The following TTBK2 variants were observed in gnomAD, a reference collection of about 807,000 sequenced individuals.
TTBK2 encodes the protein tau tubulin kinase 2, also known as tau-tubulin kinase 2.
A neutral mutation model predicts 110.8 loss-of-function variants in TTBK2; 28 were observed. The ratio of observed to expected loss-of-function variants is 0.25; its 90% CI spans 0.19 to 0.35. The LOEUF (loss-of-function observed/expected upper bound fraction) is 0.35, where lower values mean the gene tolerates loss of function less well. TTBK2 is among the 10% of genes least tolerant of loss of function. The pLI, the probability that TTBK2 is intolerant of heterozygous loss-of-function variation, is 1.00. For missense variants in TTBK2, 1,369 were observed against 1,500.3 expected (o/e 0.91, Z 1.45); for synonymous variants, 532 against 527.3 (o/e 1.01, Z -0.12).
intron 1 of TTBK2, among the ~76,000 whole-genome samples, chr15:42,899,066 C>G (rs1480336794): frequency 6.6e-6 from 1 of 152,144 alleles, no homozygotes; most frequent in African/African-American, 2.4e-5. Flanking sequence ...GATCTCAGCT[C>G]TCTGAAAACT....
At position 42,775,542 on chromosome 15, in the gene TTBK2, C is replaced by G. The variant is rs749057161; in HGVS notation, c.1591G>C (p.Gly531Arg). ...TTAACAGCTATAAATCCATTGCTGC[C>G]ACCACCATCTGCCTGCTCAGGGGTG... ...ANTPEQADGG[G>R]SNGFIAVNLS... Residue 531 changes from glycine to arginine, a missense_variant, in exon 13 of 15, where the codon GGC (glycine) becomes CGC (arginine). Physicochemically the swap from Gly to Arg is moderately radical, Grantham distance 125. Around this residue, in one of 4 missense-constraint regions of TTBK2, gnomAD observed 1,097 missense variants for 1,114.7 expected, o/e 0.98. Transcript: ENST00000267890. The G allele has an allele frequency of 1.5e-5, 24 of 1,614,140 alleles. No homozygotes were observed. Among genetic ancestry groups the G allele is most frequent in the Non-Finnish European group, 2.0e-5 (24 of 1,180,028 alleles).
At chr15:42,780,023 C>CTT (rs1890111739) in intron 11 of TTBK2, among the ~76,000 whole-genome samples, 1 of 150,896 alleles carries the variant, frequency 6.6e-6, no homozygotes, top group Non-Finnish European at 1.5e-5. Context: ...AGTCATTCTT[C>CTT]TTTGTTGCTG....
intron 1 of TTBK2, among the ~76,000 whole-genome samples, chr15:42,905,235 A>G (rs949491893): frequency 2.0e-5 from 3 of 152,112 alleles, no homozygotes; most frequent in Admixed American, 6.6e-5. Context: ...AAAAAGATAA[A>G]GTAGAACAAA....
intron 1 of TTBK2, among the ~76,000 whole-genome samples, chr15:42,907,556 C>A (rs574595840): frequency 1.4e-3 from 215 of 152,026 alleles, no homozygotes; most frequent in African/African-American, 5.0e-3. Context: ...GTGAAATAAG[C>A]CAAGTACAGA....
At chr15:42,833,837 G>A (rs1483382560) in intron 4 of TTBK2, among the ~76,000 whole-genome samples, 4 of 151,956 alleles carry the variant, frequency 2.6e-5, no homozygotes, top group Non-Finnish European at 5.9e-5. Context: ...GTAAAACCCC[G>A]TCTCTACTAA....
intron 1 of TTBK2, among the ~76,000 whole-genome samples, chr15:42,889,116 T>C (rs1384587368): frequency 1.3e-5 from 2 of 152,172 alleles, no homozygotes; most frequent in Non-Finnish European, 2.9e-5. Flanking sequence ...TGGAAATCTA[T>C]CCTCAAGGAA....
At chr15:42,797,774 T>C (rs1315589730) in intron 9 of TTBK2, among the ~76,000 whole-genome samples, 1 of 152,206 alleles carries the variant, frequency 6.6e-6, no homozygotes, top group Non-Finnish European at 1.5e-5. Flanking sequence ...ATCTATATAG[T>C]ATATACAGTA....
intron 4 of TTBK2, 95 bp from the exon 5 acceptor site, chr15:42,830,173 T>A (rs1200179771): frequency 6.0e-6 from 9 of 1,498,066 alleles, no homozygotes; most frequent in African/African-American, 1.4e-5. Flanking sequence ...AAAGATGTTT[T>A]CAGCAAAATA....
chr15:42,897,876 A>C lies in TTBK2; in HGVS notation c.-67-19192T>G, dbSNP rs1190328156. ...CACACACACACACACGGAACTTCCA[A>C]TCAGCTTCACTACTCAAAAAAAGAG... On this transcript the variant is annotated intron_variant, in intron 1 of 14. Transcript: ENST00000267890. Among the ~76,000 whole-genome samples, 5 of 151,044 alleles carry C rather than the reference A, an allele frequency of 3.3e-5. 1 individual carries two copies. The South Asian group carries it at 1.1e-3, about 32-fold the overall frequency.
intron 6 of TTBK2, among the ~76,000 whole-genome samples, chr15:42,827,316 C>T (rs1299250964): frequency 6.6e-6 from 1 of 152,092 alleles, no homozygotes; most frequent in Non-Finnish European, 1.5e-5. Context: ...AAGGGGGAGA[C>T]CAGTACCCAG....
intron 11 of TTBK2, among the ~76,000 whole-genome samples, chr15:42,777,731 GAGA>G (rs1595899496): frequency 6.6e-6 from 1 of 152,222 alleles, no homozygotes; most frequent in Non-Finnish European, 1.5e-5. Flanking sequence ...TGAGGCAGAG[GAGA>G]AGGAGGATGA....
intron 3 of TTBK2, chr15:42,855,227 T>C (rs151087093): frequency 1.4e-4 from 21 of 152,202 alleles, no homozygotes; most frequent in African/African-American, 5.1e-4. Context: ...TTAAGTATCA[T>C]AACACAAGTT....
intron 2 of TTBK2, among the ~76,000 whole-genome samples, chr15:42,875,158 A>T (rs1241511884): frequency 6.6e-6 from 1 of 152,172 alleles, no homozygotes; most frequent in Non-Finnish European, 1.5e-5. Context: ...ACAGAATAAA[A>T]CATCTAGGCT....
At chr15:42,844,782 T>A (rs1452999696) in intron 3 of TTBK2, among the ~76,000 whole-genome samples, 2 of 152,144 alleles carry the variant, frequency 1.3e-5, no homozygotes, top group African/African-American at 4.8e-5. Flanking sequence ...CTCTTAACCA[T>A]TATGCCCAGA....
At chr15:42,773,850 CAT>C (rs147926481) in intron 13 of TTBK2, among the ~76,000 whole-genome samples, 7,728 of 152,178 alleles carry the variant, frequency 0.051, 540 homozygotes, top group African/African-American at 0.15. Context: ...CTCTAGCCCA[CAT>C]GATAGCTTTG....
At chr15:42,852,710 G>T (rs920514650) in intron 3 of TTBK2, among the ~76,000 whole-genome samples, 1 of 152,120 alleles carries the variant, frequency 6.6e-6, no homozygotes, top group African/African-American at 2.4e-5. Flanking sequence ...CAAGCCTACA[G>T]ATAATGTTAC....
chr15:42,871,116 A>G (rs747499347), intron 3 of TTBK2, among the ~76,000 whole-genome samples: 16 of 152,294 alleles, frequency 1.1e-4, no homozygotes, highest in Non-Finnish European at 2.1e-4. Context: ...TGCAGAAGGC[A>G]TAAGTTAGGA....
chr15:42,913,710 C>A (rs2030921380), intron 1 of TTBK2, among the ~76,000 whole-genome samples: 1 of 151,994 alleles, frequency 6.6e-6, no homozygotes, highest in Admixed American at 6.6e-5. Flanking sequence ...GTGTAAACAA[C>A]CTAGTTTTCC....
At chr15:42,801,726 T>C (rs756377763) in intron 9 of TTBK2, 1 of 846,210 alleles carries the variant, frequency 1.2e-6, no homozygotes, top group Admixed American at 1.7e-5. Flanking sequence ...CGATCTCCTC[T>C]TCATACAGCT....
Sources: allele counts gnomAD v4.1 joint callset (sites outside exome capture counted in the v4.1 genomes callset), GRCh38; gene constraint gnomAD v4.1.1; regional missense constraint gnomAD v4.1.1; transcripts MANE v1.5; gene names NCBI Gene and HGNC (gene_info 2026-07-23, HGNC 2026-07-21).